Variants in TRMT13 observed in about 807,000 individuals in gnomAD.
The protein encoded by TRMT13 is tRNA:m(4)X modification enzyme TRM13 homolog.
Under a neutral mutation model 55.9 loss-of-function variants are expected in TRMT13, and 45 were observed. The ratio of observed to expected loss-of-function variants is 0.80; its 90% CI spans 0.63 to 1.03. TRMT13 has a LOEUF of 1.03. Ranked by LOEUF, TRMT13 falls within the 50% of genes least tolerant of loss-of-function variation. The pLI is 0.00. For missense variants in TRMT13, 513 were observed against 563.9 expected (o/e 0.91, Z 0.91); for synonymous variants, 183 against 196.3 (o/e 0.93, Z 0.57).
intron 7 of TRMT13, among the ~76,000 whole-genome samples, chr1:100,142,752 A>G (rs1342496889): frequency 6.6e-6 from 1 of 152,150 alleles, no homozygotes; most frequent in Non-Finnish European, 1.5e-5. Context: ...GTGGGCACAT[A>G]GGTATAGATT....
intron 8 of TRMT13, among the ~76,000 whole-genome samples, chr1:100,143,615 C>A (rs1656885781): frequency 6.6e-6 from 1 of 151,992 alleles, no homozygotes; most frequent in African/African-American, 2.4e-5. Context: ...AAGATACTTC[C>A]TAGAATTTTA....
chr1:100,139,738 T>C, intron 4 of TRMT13, 27 bp downstream of exon 4: 1 of 1,346,330 alleles, frequency 7.4e-7, no homozygotes, highest in Non-Finnish European at 1.0e-6. Context: ...AATATTTAAT[T>C]TTAAAAGATA....
rs1570744721 is a variant in TRMT13, at chr1:100,144,252, CA to C, written c.817+111del. The C allele has an allele frequency of 5.2e-6, 4 of 773,462 alleles. No individual in the cohort carries two copies. In the East Asian group the frequency reaches 1.1e-4, roughly 21 times the overall value. The allele number at this position is 773,462 out of a possible 1,614,324, so 47.9% of individuals were successfully genotyped here. A position where few individuals can be genotyped will look rare whatever the true frequency, so the allele number is the denominator to read the frequency against. On this transcript the variant is annotated intron_variant, in intron 9 of 10. Transcript: ENST00000370141. ...GAATAGATATCTTATGTTTACAACTCAATAATCTTTATAGAGCACTGGCCCT... is the reference window on the plus strand; with the variant it reads ...GAATAGATATCTTATGTTTACAACTCATAATCTTTATAGAGCACTGGCCCT...
chr1:100,140,723 A>G (rs973640621), intron 6 of TRMT13, 129 bp from the exon 7 acceptor site: 1 of 1,022,992 alleles, frequency 9.8e-7, no homozygotes, highest in Non-Finnish European at 1.4e-6. Flanking sequence ...GGCAAGAGAG[A>G]AAAATTTTAA....
At chr1:100,140,649 G>C (rs1185422269) in intron 6 of TRMT13, 135 bp downstream of exon 6, 2 of 858,858 alleles carry the variant, frequency 2.3e-6, no homozygotes, top group African/African-American at 1.7e-5. Context: ...AAAATATATA[G>C]AAACATATAC....
At chr1:100,136,493 C>T (rs1005974073) in intron 1 of TRMT13, among the ~76,000 whole-genome samples, 1 of 151,946 alleles carries the variant, frequency 6.6e-6, no homozygotes, top group African/African-American at 2.4e-5. Flanking sequence ...TTGTACAAAC[C>T]TAATATGTGA....
At position 100,149,025 on chromosome 1, in the gene TRMT13, G is replaced by T; in HGVS notation, c.*205G>T. Reference sequence around the variant, plus strand: ...TTCACCAAAGTAATCCTCTTTAGAAGGGCATCTTGAATTATATTATCCATC... The same window carrying T: ...TTCACCAAAGTAATCCTCTTTAGAATGGCATCTTGAATTATATTATCCATC... On this transcript the variant is annotated 3_prime_UTR_variant, in exon 11 of 11. Coordinates refer to ENST00000370141, the MANE Select transcript of TRMT13 (RefSeq NM_019083.3). The T allele has an allele frequency of 1.3e-6, 2 of 1,555,996 alleles. No homozygotes were observed. The highest frequency in any genetic ancestry group is 1.3e-5 in the South Asian group (1 of 79,584).
chr1:100,133,262 A>T lies in TRMT13; in HGVS notation c.94A>T (p.Met32Leu). ...YVEKKKRFCR[M>L]VVAAGKRFCG... is the part of the protein sequence containing the mutation. ...GGAAAAGAAGAAACGGTTCTGCAGG[A>T]TGGTGGTGGCCGCAGGGAAAAGATT... is the stretch of plus-strand genomic sequence containing the variant. Residue 32 changes from methionine (M) to leucine (L), a missense_variant, in exon 1 of 11, where the codon ATG becomes TTG. Coordinates refer to ENST00000370141, the MANE Select transcript of TRMT13 (RefSeq NM_019083.3). 1 of 1,614,020 alleles carries T rather than the reference A, an allele frequency of 6.2e-7. No individual in the cohort carries two copies. The highest frequency in any genetic ancestry group is 1.1e-5 in the South Asian group (1 of 91,068).
rs1657765334 is a variant in TRMT13 at position 100,149,702 on chromosome 1, T to G, written c.*882T>G. ...AAAACCTTCTCAAATTTAGGCCTTA[T>G]TTAACTCATGACTGGTTTCTATGCA... On this transcript the variant is annotated 3_prime_UTR_variant, in exon 11 of 11. Coordinates refer to ENST00000370141, the MANE Select transcript of TRMT13 (RefSeq NM_019083.3). 2 of 281,102 alleles carry G rather than the reference T, an allele frequency of 7.1e-6. No individual in the cohort carries two copies. The highest frequency in any genetic ancestry group is 4.6e-5 in the African/African-American group (2 of 43,888). The allele number at this position is 281,102 out of a possible 1,614,324, so 17.4% of individuals were successfully genotyped here. A position where few individuals can be genotyped will look rare whatever the true frequency, so the allele number is the denominator to read the frequency against.
intron 7 of TRMT13, among the ~76,000 whole-genome samples, chr1:100,141,614 G>A (rs1433969746): frequency 6.6e-6 from 1 of 152,188 alleles, no homozygotes; most frequent in Admixed American, 6.5e-5. Context: ...TTACAAGTGT[G>A]AGCCACTGTG....
chr1:100,141,137 G>A (rs757033798), intron 7 of TRMT13, 118 bp downstream of exon 7: 15 of 983,810 alleles, frequency 1.5e-5, no homozygotes, highest in Non-Finnish European at 2.2e-5. Flanking sequence ...TTATCTGTTT[G>A]TTGTAGCTTT....
chr1:100,139,830 C>T lies in TRMT13; in HGVS notation c.324+119C>T, dbSNP rs574738193. 6 of 673,800 alleles carry T rather than the reference C, an allele frequency of 8.9e-6. No homozygotes were observed. The South Asian group carries it at 1.2e-4, about 14-fold the overall frequency. 41.7% of individuals were successfully genotyped at this position (673,800 alleles called of 1,614,324 possible). A position where few individuals can be genotyped will look rare whatever the true frequency, so the allele number is the denominator to read the frequency against. The stretch of plus-strand genomic sequence containing the variant: ...TGTTTTTAATTTAGAATGCATTTTC[C>T]TGTAGACTTAATATTGTTAGTGATG... On this transcript the variant is annotated intron_variant, in intron 4 of 10. Transcript: ENST00000370141.
At chr1:100,144,262 T>C in intron 9 of TRMT13, 119 bp downstream of exon 9, 3 of 707,392 alleles carry the variant, frequency 4.2e-6, no homozygotes, top group Non-Finnish European at 7.3e-6. Context: ...CAATAATCTT[T>C]ATAGAGCACT....
chr1:100,141,256 A>G (rs1189521361), intron 7 of TRMT13, among the ~76,000 whole-genome samples: 1 of 152,188 alleles, frequency 6.6e-6, no homozygotes, highest in African/African-American at 2.4e-5. Flanking sequence ...AGACAGGAAA[A>G]TATATAGAAA....
chr1:100,148,013 A>G lies in TRMT13; in HGVS notation c.937A>G (p.Lys313Glu), dbSNP rs374409732. 6 of 1,614,082 alleles carry G rather than the reference A, an allele frequency of 3.7e-6. No individual in the cohort carries two copies. The highest frequency in any genetic ancestry group is 5.1e-6 in the Non-Finnish European group (6 of 1,180,040). Residue 313 changes from lysine to glutamate, a missense_variant, in exon 10 of 11, where the codon AAG becomes GAG. Coordinates refer to ENST00000370141, the MANE Select transcript of TRMT13 (RefSeq NM_019083.3). ...KTEKEIYTLAKEGNEKNVPEK... is the reference protein window; with the variant it reads ...KTEKEIYTLAEEGNEKNVPEK... The stretch of plus-strand genomic sequence containing the variant: ...AGAAAAAGAAATTTACACTTTGGCC[A>G]AGGAAGGAAATGAAAAAAATGTCCC...
chr1:100,148,947 T>C lies in TRMT13; in HGVS notation c.*127T>C. The C allele has an allele frequency of 8.1e-7, 1 of 1,241,766 alleles. No homozygotes were observed. The highest frequency in any genetic ancestry group is 1.1e-6 in the Non-Finnish European group (1 of 927,464). 76.9% of individuals were successfully genotyped at this position (1,241,766 alleles called of 1,614,324 possible). ...ACTTTAAAAAATGCTGTGGCCTCATTAAACTTTGGTAATAGCTTTTCTTTT... is the reference window on the plus strand; with the variant it reads ...ACTTTAAAAAATGCTGTGGCCTCATCAAACTTTGGTAATAGCTTTTCTTTT... On this transcript the variant is annotated 3_prime_UTR_variant, in exon 11 of 11. Transcript: ENST00000370141.
intron 7 of TRMT13, chr1:100,142,891 C>A: frequency 4.4e-6 from 2 of 458,812 alleles, no homozygotes; most frequent in South Asian, 5.9e-5. Context: ...AACTTCAGTT[C>A]CTTTGTCAGT....
Position 100,133,241 on chromosome 1 carries a change from A to G in TRMT13, c.73A>G (p.Lys25Glu), listed in dbSNP as rs1655265055. 1.2e-6 allele frequency: 2 copies of G among 1,614,014 alleles called. No homozygotes were observed. Among genetic ancestry groups the G allele is most frequent in the South Asian group, 2.2e-5 (2 of 91,090 alleles). The change falls in exon 1 of 11, where the codon AAG (lysine) becomes GAG (glutamate). Residue 25 changes from lysine to glutamate, a missense_variant. Around this residue, in one of 3 missense-constraint regions of TRMT13, gnomAD observed 298 missense variants for 290.3 expected, o/e 1.03. Transcript: ENST00000370141. ...AEGRCGYYVE[K>E]KKRFCRMVVA... is the part of the protein sequence containing the mutation. ...GGGTAGATGCGGTTACTATGTGGAA[A>G]AGAAGAAACGGTTCTGCAGGATGGT...
chr1:100,136,582 T>C (rs1570729473), intron 1 of TRMT13, among the ~76,000 whole-genome samples: 1 of 152,220 alleles, frequency 6.6e-6, no homozygotes, highest in African/African-American at 2.4e-5. Flanking sequence ...AAAATAGTCA[T>C]ACATATAATA....
Sources: allele counts gnomAD v4.1 joint callset (sites outside exome capture counted in the v4.1 genomes callset), GRCh38; gene constraint gnomAD v4.1.1; regional missense constraint gnomAD v4.1.1; transcripts MANE v1.5; gene names NCBI Gene and HGNC (gene_info 2026-07-23, HGNC 2026-07-21).